ZNF571: variants seen among roughly 807,000 people sequenced by gnomAD.
The protein encoded by ZNF571 is zinc finger protein 571.
ZNF571 carries 4 observed loss-of-function variants against 7.7 expected under a neutral mutation model. The observed-to-expected ratio is 0.52, with a 90% CI of 0.25 to 1.18. The LOEUF (loss-of-function observed/expected upper bound fraction) is 1.18. Among genes scored for constraint, ZNF571 ranks in the 50% most tolerant of loss-of-function variants. The pLI is 0.14. For synonymous variants in ZNF571, 251 were observed against 232.4 expected (o/e 1.08, Z -0.73); for missense variants, 704 against 726.9 (o/e 0.97, Z 0.36).
intron 2 of ZNF571, chr19:37,585,228 A>G (rs1183652137): frequency 2.6e-5 from 4 of 152,252 alleles, no homozygotes; most frequent in African/African-American, 9.6e-5. Flanking sequence ...AGGCAGAATA[A>G]AGGCCCCCCA....
chr19:37,565,194 T>C lies in ZNF571; in HGVS notation c.1234A>G (p.Ile412Val), dbSNP rs148305067. 315 of 1,613,532 alleles carry C rather than the reference T, an allele frequency of 2.0e-4. 1 individual carries two copies. The highest frequency in any genetic ancestry group is 4.2e-5 in the Non-Finnish European group (50 of 1,179,864). Residue 412 changes from isoleucine (I) to valine (V), a missense_variant, in exon 4 of 4, where the codon ATT (isoleucine) becomes GTT (valine). Ile to Val is a conservative substitution (Grantham distance 29, BLOSUM62 3). Coordinates refer to ENST00000451802, the MANE Select transcript of ZNF571 (RefSeq NM_016536.5). Reference sequence around the variant, plus strand: ...TTGTAGGGCTTCTCTCCGGTATGAATTCTTTGATGTTGAATAAGATTAGAA... The same window carrying C: ...TTGTAGGGCTTCTCTCCGGTATGAACTCTTTGATGTTGAATAAGATTAGAA... ...SNSNLIQHQR[I>V]HTGEKPYKCK...
Position 37,564,769 on chromosome 19 carries a change from A to C in ZNF571, c.1659T>G (p.Thr553=), listed in dbSNP as rs2042786327. 1 of 1,613,724 alleles carries C rather than the reference A, an allele frequency of 6.2e-7. No homozygotes were observed. Among genetic ancestry groups the C allele is most frequent in the Non-Finnish European group, 8.5e-7 (1 of 1,179,884 alleles). ...SHLTEHLRTH[T]GEKPYECKEC... ...CCTTACATTCATAGGGTTTCTCTCC[A>C]GTATGAGTTCTCAGATGTTCAGTAA... The change falls in exon 4 of 4, where the codon ACT becomes ACG. Residue 553 remains threonine, a synonymous_variant. Coordinates refer to ENST00000451802, the MANE Select transcript of ZNF571 (RefSeq NM_016536.5).
intron 3 of ZNF571, among the ~76,000 whole-genome samples, chr19:37,580,573 G>A (rs922938985): frequency 3.3e-5 from 5 of 152,198 alleles, no homozygotes; most frequent in Non-Finnish European, 5.9e-5. Context: ...CCAGTATGGC[G>A]TCTTGGGGGA....
intron 3 of ZNF571, among the ~76,000 whole-genome samples, chr19:37,582,697 T>A (rs192267242): frequency 6.6e-6 from 1 of 152,302 alleles, no homozygotes; most frequent in East Asian, 1.9e-4. Context: ...TTCCAAACCC[T>A]GATGCCTCTA....
intron 1 of ZNF571, among the ~76,000 whole-genome samples, chr19:37,587,654 A>G (rs1450418468): frequency 1.3e-5 from 2 of 151,956 alleles, no homozygotes; most frequent in African/African-American, 2.4e-5. Flanking sequence ...CTTAACATCA[A>G]TGTTACTTGT....
In ZNF571 at chr19:37,565,586, C is replaced by A. The variant is rs1420154819; in HGVS notation, c.842G>T (p.Cys281Phe). 1 of 1,613,454 alleles carries A rather than the reference C, an allele frequency of 6.2e-7. No individual in the cohort carries two copies. The highest frequency in any genetic ancestry group is 8.5e-7 in the Non-Finnish European group (1 of 1,179,826). ...RIHSGEKPYE[C>F]KDCGKAFILG... ...AATAAAGGCCTTCCCACAATCCTTA[C>A]ATTCATAGGGTTTTTCACCACTATG... Residue 281 changes from cysteine (C) to phenylalanine (F), a missense_variant, in exon 4 of 4, where the codon TGT (cysteine) becomes TTT (phenylalanine). Coordinates refer to ENST00000451802, the MANE Select transcript of ZNF571 (RefSeq NM_016536.5).
intron 3 of ZNF571, among the ~76,000 whole-genome samples, chr19:37,581,988 AT>A (rs1458147256): frequency 1.3e-5 from 2 of 152,058 alleles, no homozygotes; most frequent in African/African-American, 4.8e-5. Flanking sequence ...TGTTCCATGG[AT>A]TTTTATGTAG....
At chr19:37,580,791 G>A (rs2043428585) in intron 3 of ZNF571, among the ~76,000 whole-genome samples, 2 of 152,150 alleles carry the variant, frequency 1.3e-5, no homozygotes, top group African/African-American at 4.8e-5. Context: ...GCAGCCTGAG[G>A]TCCTCACCAG....
chr19:37,570,473 C>T (rs912166187), intron 3 of ZNF571, among the ~76,000 whole-genome samples: 25 of 152,152 alleles, frequency 1.6e-4, no homozygotes, highest in African/African-American at 4.3e-4. Flanking sequence ...CTCAAGGAAT[C>T]AGATATACAA....
In ZNF571 at chr19:37,565,684, C is replaced by A; in HGVS notation, c.744G>T (p.Glu248Asp). The A allele has an allele frequency of 6.2e-7, 1 of 1,613,760 alleles. No homozygotes were observed. The highest frequency in any genetic ancestry group is 8.5e-7 in the Non-Finnish European group (1 of 1,179,884). ...CACATTTCTTACATTCATATGGTTT[C>A]TCTCCTGTATGAACTCTCTGATGTT... Reference protein sequence around the residue: ...LTEHQRVHTGEKPYECKKCGK... With the variant: ...LTEHQRVHTGDKPYECKKCGK... Residue 248 changes from glutamate to aspartate, a missense_variant, in exon 4 of 4, where the codon GAG (glutamate) becomes GAT (aspartate). By Grantham distance (45) the Glu-to-Asp change is conservative. Transcript: ENST00000451802.
chr19:37,576,026 G>A (rs2147177743), intron 3 of ZNF571, among the ~76,000 whole-genome samples: 1 of 151,024 alleles, frequency 6.6e-6, no homozygotes. Context: ...TTAACTACAG[G>A]TAAGGCATAC....
chr19:37,590,799 TTTAA>T lies in ZNF571; in HGVS notation c.-70+3938_-70+3941del, dbSNP rs1187984950. On this transcript the variant is annotated intron_variant, in intron 1 of 3. Transcript: ENST00000451802. ...AACCAATGCTATGTGAGTACTGATT[TTTAA>T]TTAAGAGACTAAAGAGGCATAACCA... Among the ~76,000 whole-genome samples the T allele has an allele frequency of 4.6e-5, 7 of 152,156 alleles. 1 individual carries two copies. Among genetic ancestry groups the T allele is most frequent in the Admixed American group, 3.3e-4 (5 of 15,274 alleles).
intron 1 of ZNF571, among the ~76,000 whole-genome samples, chr19:37,591,410 T>C (rs187386004): frequency 6.6e-6 from 1 of 152,314 alleles, no homozygotes; most frequent in East Asian, 1.9e-4. Flanking sequence ...ATGATCACAA[T>C]AGTTCGAAAC....
chr19:37,575,992 T>G (rs148665260), intron 3 of ZNF571, among the ~76,000 whole-genome samples: 1 of 152,036 alleles, frequency 6.6e-6, no homozygotes, highest in Non-Finnish European at 1.5e-5. Context: ...TTGCCAAACT[T>G]CAAAACAGGA....
At chr19:37,583,437 C>T (rs964159070) in intron 3 of ZNF571, 6 of 152,262 alleles carry the variant, frequency 3.9e-5, no homozygotes, top group African/African-American at 7.2e-5. Flanking sequence ...GGAGGTTCCA[C>T]GGGGAACTCA....
At chr19:37,592,252 A>G (rs1211691459) in intron 1 of ZNF571, among the ~76,000 whole-genome samples, 1 of 152,140 alleles carries the variant, frequency 6.6e-6, no homozygotes, top group Non-Finnish European at 1.5e-5. Context: ...AGTGAGGAAA[A>G]AAAAATAAAG....
At position 37,565,208 on chromosome 19, in the gene ZNF571, A is replaced by G; in HGVS notation, c.1220T>C (p.Ile407Thr). The G allele has an allele frequency of 6.2e-7, 1 of 1,612,940 alleles. No homozygotes were observed. Among genetic ancestry groups the G allele is most frequent in the South Asian group, 1.1e-5 (1 of 90,932 alleles). Residue 407 changes from isoleucine to threonine, a missense_variant, in exon 4 of 4, where the codon ATT (isoleucine) becomes ACT (threonine). By Grantham distance (89) the Ile-to-Thr change is moderately conservative. Transcript: ENST00000451802. ...GKAFISNSNL[I>T]QHQRIHTGEK... ...TCCGGTATGAATTCTTTGATGTTGAATAAGATTAGAATTAGAAATAAAGGC... is the reference window on the plus strand; with the variant it reads ...TCCGGTATGAATTCTTTGATGTTGAGTAAGATTAGAATTAGAAATAAAGGC...
chr19:37,580,839 C>A (rs895923553), intron 3 of ZNF571, among the ~76,000 whole-genome samples: 1 of 152,202 alleles, frequency 6.6e-6, no homozygotes, highest in Non-Finnish European at 1.5e-5. Flanking sequence ...TCTTGTACAA[C>A]CTGCAGAACC....
chr19:37,583,663 A>G (rs139299304), intron 3 of ZNF571: 142 of 193,004 alleles, frequency 7.4e-4, no homozygotes, highest in African/African-American at 3.0e-3. Context: ...TCCAGTAAGG[A>G]AAGTATATTT....
Sources: allele counts gnomAD v4.1 joint callset (sites outside exome capture counted in the v4.1 genomes callset), GRCh38; gene constraint gnomAD v4.1.1; transcripts MANE v1.5; gene names NCBI Gene and HGNC (gene_info 2026-07-23, HGNC 2026-07-21).